CCDC174: variants seen among roughly 807,000 people sequenced by gnomAD.
The protein encoded by CCDC174 is coiled-coil domain containing 174, also known as coiled-coil domain-containing protein 174.
In CCDC174, 37 loss-of-function variants were observed where a neutral mutation model predicts 57.1. The ratio of observed to expected loss-of-function variants is 0.65; its 90% CI spans 0.50 to 0.85. The LOEUF (loss-of-function observed/expected upper bound fraction) is 0.85, where lower values mean the gene tolerates loss of function less well. CCDC174 is among the 40% of genes least tolerant of loss of function. CCDC174 has a pLI of 0.00. For missense variants in CCDC174, 540 were observed against 574.3 expected (o/e 0.94, Z 0.61); for synonymous variants, 182 against 190.2 (o/e 0.96, Z 0.35).
intron 6 of CCDC174, among the ~76,000 whole-genome samples, chr3:14,666,345 G>A (rs1965100): frequency 0.44 from 67,380 of 151,956 alleles, 16,684 homozygotes; most frequent in South Asian, 0.65. Context: ...AAGGCTGGCC[G>A]GGCGCAGTGG....
intron 5 of CCDC174, 21 bp from the exon 6 acceptor site, chr3:14,665,007 A>T (rs746120792): frequency 1.3e-6 from 2 of 1,585,720 alleles, no homozygotes; most frequent in Non-Finnish European, 1.7e-6. Flanking sequence ...CCTTCTTCAC[A>T]TCTTTTTGCT....
intron 1 of CCDC174, among the ~76,000 whole-genome samples, chr3:14,652,689 G>T (rs1203272090): frequency 2.6e-5 from 4 of 151,928 alleles, no homozygotes; most frequent in Non-Finnish European, 5.9e-5. Context: ...ATCACCTGAG[G>T]TCGGGAGTTT....
chr3:14,658,980 T>G, intron 4 of CCDC174, 51 bp downstream of exon 4: 1 of 1,399,926 alleles, frequency 7.1e-7, no homozygotes, highest in Non-Finnish European at 9.7e-7. Context: ...CATACAGCCC[T>G]TTGATATTAC....
At chr3:14,664,871 A>C (rs1575071834) in intron 5 of CCDC174, among the ~76,000 whole-genome samples, 157 bp from the exon 6 acceptor site, 1 of 152,354 alleles carries the variant, frequency 6.6e-6, no homozygotes, top group East Asian at 1.9e-4. Context: ...TGTCAGCTTT[A>C]AAAAGCATAT....
rs371366392 is a variant in CCDC174 at position 14,654,523 on chromosome 3, C to G, written c.140C>G (p.Thr47Ser). The G allele has an allele frequency of 1.1e-4, 159 of 1,464,660 alleles. 1 individual carries two copies. Among genetic ancestry groups the G allele is most frequent in the Non-Finnish European group, 1.4e-4 (148 of 1,053,656 alleles). The allele number at this position is 1,464,660 out of a possible 1,614,324, so 90.7% of individuals were successfully genotyped here. ...GGAGTTTTTGGAAAACCAAAAACAA[C>G]TAACAAGGTAAAAAATAAGATCTAA... is the stretch of plus-strand genomic sequence containing the variant. The part of the protein sequence containing the change: ...DSGVFGKPKT[T>S]NKKPSIWSKQ... Residue 47 changes from threonine (T) to serine (S), a missense_variant, in exon 2 of 11, where the codon ACT becomes AGT. Thr to Ser is a moderately conservative substitution (Grantham distance 58). Transcript: ENST00000383794.
chr3:14,666,037 C>CAAAA (rs71038422), intron 6 of CCDC174, among the ~76,000 whole-genome samples: 13 of 84,774 alleles, frequency 1.5e-4, no homozygotes, highest in African/African-American at 2.7e-4. Context: ...GACTCCGTCT[C>CAAAA]AAAAAAAAAA....
At position 14,669,981 on chromosome 3, in the gene CCDC174, AC is replaced by A; in HGVS notation, c.1004del (p.Pro335HisfsTer10). On this transcript the variant is annotated frameshift_variant, in exon 10 of 11. Transcript: ENST00000383794. LOFTEE classifies it high-confidence loss of function. ...PLPPEPEAVP[T>X]PRPAAQSSKV... ...GCCACCGGAGCCAGAGGCTGTGCCA[AC>A]CCCACGTCCTGCTGCCCAGAGTAGC... is the stretch of plus-strand genomic sequence containing the variant. The A allele has an allele frequency of 6.2e-7, 1 of 1,613,874 alleles. No homozygotes were observed. The highest frequency in any genetic ancestry group is 8.5e-7 in the Non-Finnish European group (1 of 1,179,944).
chr3:14,659,910 G>C (rs1012694775), intron 4 of CCDC174, among the ~76,000 whole-genome samples: 1 of 152,178 alleles, frequency 6.6e-6, no homozygotes, highest in Non-Finnish European at 1.5e-5. Context: ...GGAGGGCAGG[G>C]CCAGAGGTCA....
chr3:14,667,077 A>G, intron 7 of CCDC174, 130 bp downstream of exon 7: 2 of 793,532 alleles, frequency 2.5e-6, no homozygotes, highest in Non-Finnish European at 4.0e-6. Context: ...GAAATAGAAA[A>G]TATCTCCTTT....
intron 1 of CCDC174, among the ~76,000 whole-genome samples, chr3:14,652,089 T>C (rs1296117583): frequency 1.3e-5 from 2 of 152,158 alleles, no homozygotes; most frequent in East Asian, 3.9e-4. Context: ...TCCTCTGACA[T>C]GCGCCCGGGC....
chr3:14,658,839 C>G, intron 3 of CCDC174, 32 bp from the exon 4 acceptor site: 2 of 1,535,612 alleles, frequency 1.3e-6, no homozygotes, highest in East Asian at 2.4e-5. Context: ...GTTATAAGAC[C>G]ATTTCTAATA....
At chr3:14,669,819 A>C in intron 9 of CCDC174, 115 bp from the exon 10 acceptor site, 1 of 954,792 alleles carries the variant, frequency 1.0e-6, no homozygotes, top group Non-Finnish European at 1.6e-6. Flanking sequence ...GGGACATGTT[A>C]GGTACTTCAT....
chr3:14,666,880 GGAA>G lies in CCDC174; in HGVS notation c.664_666del (p.Glu222del). On this transcript the variant is annotated inframe_deletion, in exon 7 of 11. Transcript: ENST00000383794. ...AAGAACTTCAGCGCCAGCAATGGGAGGAAGAAGAAAGAGAGGCCCTGAAGAGGC... is the reference window on the plus strand; with the variant it reads ...AAGAACTTCAGCGCCAGCAATGGGAGGAAGAAAGAGAGGCCCTGAAGAGGC... The G allele has an allele frequency of 1.2e-6, 2 of 1,607,398 alleles. No homozygotes were observed. Among genetic ancestry groups the G allele is most frequent in the South Asian group, 1.1e-5 (1 of 89,642 alleles).
intron 5 of CCDC174, among the ~76,000 whole-genome samples, chr3:14,663,204 A>C (rs945063619): frequency 6.6e-6 from 1 of 151,792 alleles, no homozygotes; most frequent in Non-Finnish European, 1.5e-5. Flanking sequence ...ACAAGGTCTC[A>C]CTATGTTGCC....
Position 14,671,063 on chromosome 3 carries a change from C to T in CCDC174, c.1273C>T (p.Pro425Ser), listed in dbSNP as rs1191929064. The part of the protein sequence containing the change: ...GPAQSDPGQC[P>S]DQSHGPSPEH... Reference sequence around the variant, plus strand: ...AGCACAGAGTGACCCAGGGCAGTGCCCTGACCAGAGCCACGGACCTAGCCC... The same window carrying T: ...AGCACAGAGTGACCCAGGGCAGTGCTCTGACCAGAGCCACGGACCTAGCCC... The change falls in exon 11 of 11, where the codon CCT becomes TCT. Residue 425 changes from proline (P) to serine (S), a missense_variant. Transcript: ENST00000383794. 1.9e-6 allele frequency: 3 copies of T among 1,614,118 alleles called. No homozygotes were observed. The highest frequency in any genetic ancestry group is 2.5e-6 in the Non-Finnish European group (3 of 1,180,018).
chr3:14,664,280 T>C (rs571360576), intron 5 of CCDC174, among the ~76,000 whole-genome samples: 4 of 152,362 alleles, frequency 2.6e-5, no homozygotes, highest in Non-Finnish European at 5.9e-5. Flanking sequence ...TACTGTGTAT[T>C]CGGTACCCTG....
Position 14,668,149 on chromosome 3 carries a change from CAAA to C in CCDC174, c.922_924del (p.Lys308del), listed in dbSNP as rs774519992. The C allele has an allele frequency of 6.2e-7, 1 of 1,610,666 alleles. No individual in the cohort carries two copies. The highest frequency in any genetic ancestry group is 1.3e-5 in the African/African-American group (1 of 74,708). ...CTTCGACAAAAAAAGATGAAAAAAT[CAAA>C]AGAAGGTGGAACAGAAGAAGAAAAT... On this transcript the variant is annotated inframe_deletion, in exon 9 of 11. Coordinates refer to ENST00000383794, the MANE Select transcript of CCDC174 (RefSeq NM_016474.5).
chr3:14,652,705 C>T (rs1218657890), intron 1 of CCDC174, among the ~76,000 whole-genome samples: 1 of 151,952 alleles, frequency 6.6e-6, no homozygotes, highest in Non-Finnish European at 1.5e-5. Context: ...AGTTTGAGAC[C>T]AGTCTGACCA....
At chr3:14,665,756 C>G (rs1033123724) in intron 6 of CCDC174, among the ~76,000 whole-genome samples, 1 of 151,924 alleles carries the variant, frequency 6.6e-6, no homozygotes, top group African/African-American at 2.4e-5. Context: ...GGAGGCTGGG[C>G]GCGGTGGCTC....
Sources: gnomAD v4.1 joint callset for allele counts (sites outside exome capture counted in the v4.1 genomes callset) on GRCh38, gnomAD v4.1.1 for gene constraint, MANE v1.5 for transcripts, NCBI Gene and HGNC (gene_info 2026-07-23, HGNC 2026-07-21) for gene names.